Variants in ADGRB3 observed in about 807,000 individuals in gnomAD.
ADGRB3 encodes adhesion G protein-coupled receptor B3, also known as brain-specific angiogenesis inhibitor 3.
Under a neutral mutation model 193.4 loss-of-function variants are expected in ADGRB3, and 37 were observed. The ratio of observed to expected loss-of-function variants is 0.19; its 90% confidence interval spans 0.15 to 0.25. The LOEUF is 0.25. ADGRB3 is among the 10% of genes least tolerant of loss of function. ADGRB3 has a pLI of 1.00. For synonymous variants in ADGRB3, 690 were observed against 644.2 expected, an observed-to-expected ratio of 1.07 and a Z score of -1.08; for missense variants, 1,637 against 1,852.9, an observed-to-expected ratio of 0.88 and a Z score of 2.14.
At chr6:69,135,842 C>T (rs770501885) in intron 17 of ADGRB3, among the ~76,000 whole-genome samples, 175 of 152,126 alleles carry the variant, frequency 1.2e-3, no homozygotes, top group Middle Eastern at 3.4e-3. Flanking sequence ...TTGGAAAAGT[C>T]GTAACAAGTT....
At chr6:68,897,439 TTGAA>T (rs1766250524) in intron 3 of ADGRB3, among the ~76,000 whole-genome samples, 1 of 52,502 alleles carries the variant, frequency 1.9e-5, no homozygotes, top group African/African-American at 7.4e-5. Flanking sequence ...GAAGGAAGGA[TTGAA>T]GGAAGGGAGG....
At chr6:69,003,720 C>T (rs548803918) in intron 11 of ADGRB3, among the ~76,000 whole-genome samples, 1 of 152,034 alleles carries the variant, frequency 6.6e-6, no homozygotes, top group Non-Finnish European at 1.5e-5. Context: ...AATTTAATGG[C>T]AAATAACTTT....
At chr6:68,995,909 T>C (rs1582380263) in intron 11 of ADGRB3, among the ~76,000 whole-genome samples, 1 of 152,310 alleles carries the variant, frequency 6.6e-6, no homozygotes, top group Non-Finnish European at 1.5e-5. Context: ...TTTTTATCTC[T>C]TGTATTCTAC....
At chr6:69,047,018 C>A (rs1374740463) in intron 13 of ADGRB3, among the ~76,000 whole-genome samples, 3 of 152,046 alleles carry the variant, frequency 2.0e-5, no homozygotes, top group South Asian at 2.1e-4. Context: ...CCACCACGCC[C>A]GGCTAAAATT....
chr6:68,698,449 ACT>A (rs1467159598), intron 3 of ADGRB3, among the ~76,000 whole-genome samples: 6 of 151,242 alleles, frequency 4.0e-5, no homozygotes, highest in Non-Finnish European at 8.9e-5. Context: ...ATAAATAGGA[ACT>A]CTTGATTCTT....
intron 6 of ADGRB3, among the ~76,000 whole-genome samples, chr6:68,954,010 T>G (rs928361994): frequency 6.6e-6 from 1 of 152,226 alleles, no homozygotes; most frequent in African/African-American, 2.4e-5. Context: ...GTTTGCACAT[T>G]CTAATCTAGA....
At chr6:69,005,137 C>A (rs1416583350) in intron 11 of ADGRB3, among the ~76,000 whole-genome samples, 1 of 151,986 alleles carries the variant, frequency 6.6e-6, no homozygotes, top group Non-Finnish European at 1.5e-5. Flanking sequence ...CCCAGGCTGT[C>A]TCTGGGGAAA....
At chr6:68,797,948 A>G (rs757789303) in intron 3 of ADGRB3, among the ~76,000 whole-genome samples, 4 of 152,158 alleles carry the variant, frequency 2.6e-5, no homozygotes, top group African/African-American at 4.8e-5. Flanking sequence ...TTACCAATGA[A>G]TATAGCTGTG....
At chr6:68,869,389 A>G (rs1281839852) in intron 3 of ADGRB3, among the ~76,000 whole-genome samples, 2 of 152,162 alleles carry the variant, frequency 1.3e-5, no homozygotes, top group Admixed American at 1.3e-4. Context: ...AGTTGTTTTG[A>G]GTAAGCCAAA....
intron 20 of ADGRB3, among the ~76,000 whole-genome samples, chr6:69,281,467 A>G (rs1767434878): frequency 6.6e-6 from 1 of 152,210 alleles, no homozygotes; most frequent in African/African-American, 2.4e-5. Context: ...TGCTGCTCAT[A>G]GAAACCCAAC....
intron 3 of ADGRB3, among the ~76,000 whole-genome samples, chr6:68,705,821 C>T (rs1765317381): frequency 6.6e-6 from 1 of 152,018 alleles, no homozygotes. Flanking sequence ...ACAGCATGGG[C>T]AAGTGAGAAG....
At chr6:69,352,081 T>C (rs899826440) in intron 26 of ADGRB3, among the ~76,000 whole-genome samples, 2 of 152,076 alleles carry the variant, frequency 1.3e-5, no homozygotes, top group East Asian at 1.9e-4. Context: ...TTTCTGACAT[T>C]GGTTTCTAGG....
chr6:68,784,859 T>C (rs1285122010), intron 3 of ADGRB3, among the ~76,000 whole-genome samples: 1 of 152,142 alleles, frequency 6.6e-6, no homozygotes, highest in Non-Finnish European at 1.5e-5. Context: ...GATACTAAAG[T>C]AGTACATTTC....
At chr6:69,349,741 ATG>A (rs1278327854) in intron 26 of ADGRB3, among the ~76,000 whole-genome samples, 2 of 152,222 alleles carry the variant, frequency 1.3e-5, no homozygotes, top group African/African-American at 2.4e-5. Context: ...AATTACAAGA[ATG>A]TAACTTTACT....
intron 20 of ADGRB3, among the ~76,000 whole-genome samples, chr6:69,249,742 T>G (rs58798495): frequency 6.6e-6 from 1 of 152,220 alleles, no homozygotes; most frequent in South Asian, 2.1e-4. Flanking sequence ...GGAACTAAAG[T>G]CCAAACACTA....
At chr6:69,156,063 T>A (rs966957561) in intron 17 of ADGRB3, among the ~76,000 whole-genome samples, 4 of 152,186 alleles carry the variant, frequency 2.6e-5, no homozygotes, top group Admixed American at 2.6e-4. Context: ...TAAAAATATT[T>A]AATTGAGAAC....
intron 3 of ADGRB3, among the ~76,000 whole-genome samples, chr6:68,834,500 G>A (rs1768010912): frequency 6.6e-6 from 1 of 152,108 alleles, no homozygotes; most frequent in African/African-American, 2.4e-5. Flanking sequence ...AAGGTAGTTT[G>A]ATGATTCCCC....
intron 3 of ADGRB3, among the ~76,000 whole-genome samples, chr6:68,654,116 TAAC>T (rs779891880): frequency 1.5e-4 from 23 of 152,200 alleles, no homozygotes; most frequent in Admixed American, 4.6e-4. Context: ...TCATTAATCT[TAAC>T]AATTTTCTTG....
At chr6:68,796,501 T>G (rs1432041317) in intron 3 of ADGRB3, among the ~76,000 whole-genome samples, 1 of 152,178 alleles carries the variant, frequency 6.6e-6, no homozygotes, top group Admixed American at 6.6e-5. Context: ...CCACCAGTCT[T>G]TCGAAGTGAT....
Sources: allele counts gnomAD v4.1 joint callset (sites outside exome capture counted in the v4.1 genomes callset), GRCh38; gene constraint gnomAD v4.1.1; transcripts MANE v1.5; gene names NCBI Gene and HGNC (gene_info 2026-07-23, HGNC 2026-07-21).